The following ABCC8 variants were observed in gnomAD, a reference collection of about 807,000 sequenced individuals.
The protein encoded by ABCC8 is ATP-binding cassette sub-family C member 8.
Under a neutral mutation model 188.0 loss-of-function variants are expected in ABCC8, and 137 were observed. That is an observed-to-expected ratio of 0.73 (90% CI 0.63 to 0.84). The LOEUF is 0.84. Among genes scored for constraint, ABCC8 ranks in the 40% least tolerant of loss-of-function variants. ABCC8 has a pLI of 0.00. For synonymous variants in ABCC8, 797 were observed against 846.5 expected (o/e 0.94, Z 1.01); for missense variants, 1,750 against 2,072.7 (o/e 0.84, Z 3.02).
At chr11:17,476,475 G>A (rs138026479) in intron 1 of ABCC8, among the ~76,000 whole-genome samples, 154 bp downstream of exon 1, 2 of 152,316 alleles carry the variant, frequency 1.3e-5, no homozygotes, top group African/African-American at 4.8e-5. Flanking sequence ...CGAGTGCGGG[G>A]ACCGGCGGGC....
chr11:17,455,474 C>A (rs1048619260), intron 6 of ABCC8, among the ~76,000 whole-genome samples: 1 of 152,158 alleles, frequency 6.6e-6, no homozygotes, highest in South Asian at 2.1e-4. Context: ...TCTCTCCGCC[C>A]CCAACAAAAT....
intron 22 of ABCC8, among the ~76,000 whole-genome samples, chr11:17,409,349 C>T (rs1016197000): frequency 2.0e-5 from 3 of 152,132 alleles, no homozygotes; most frequent in Admixed American, 6.5e-5. Context: ...CACCCCCTCC[C>T]GCCCTATGCT....
At chr11:17,437,582 TAGTC>T (rs1479118154) in intron 10 of ABCC8, among the ~76,000 whole-genome samples, 1 of 152,194 alleles carries the variant, frequency 6.6e-6, no homozygotes, top group East Asian at 1.9e-4. Context: ...TTCAGTCCAA[TAGTC>T]AGTGCAGTCA....
Position 17,463,436 on chromosome 11 carries a change from A to T in ABCC8, c.579+2T>A, listed in dbSNP as rs1449198328. ...CCACCCTGGCCCAGGTGGCCTGCTT[A>T]CCCTCACCCTGATGACATTGACCTC... is the stretch of plus-strand genomic sequence containing the variant. On this transcript the variant is annotated splice_donor_variant, in intron 4 of 38. Coordinates refer to ENST00000389817, the MANE Select transcript of ABCC8 (RefSeq NM_000352.6). LOFTEE classifies it high-confidence loss of function. 1 of 1,601,914 alleles carries T rather than the reference A, an allele frequency of 6.2e-7. No homozygotes were observed. The highest frequency in any genetic ancestry group is 1.7e-5 in the Admixed American group (1 of 58,234).
Position 17,428,655 on chromosome 11 carries a change from G to A in ABCC8, c.1833C>T (p.Ser611=), listed in dbSNP as rs763273046. 14 of 1,613,416 alleles carry A rather than the reference G, an allele frequency of 8.7e-6. No homozygotes were observed. The highest frequency in any genetic ancestry group is 1.1e-5 in the South Asian group (1 of 91,090). The change falls in exon 13 of 39, where the codon AGC becomes AGT. Residue 611 remains serine (S), a synonymous_variant. Coordinates refer to ENST00000389817, the MANE Select transcript of ABCC8 (RefSeq NM_000352.6). ...GGATCTCTGCACTGGACAGGAACTC[G>A]CTTAGCTTTTGCACGCTGCTCGGGA... The part of the protein sequence containing the change: ...VKALVSVQKL[S]EFLSSAEIRE...
At chr11:17,444,816 T>C (rs911915811) in intron 8 of ABCC8, among the ~76,000 whole-genome samples, 12 of 152,220 alleles carry the variant, frequency 7.9e-5, no homozygotes, top group African/African-American at 2.9e-4. Flanking sequence ...GTGAGTTACT[T>C]AACCTCTCTG....
intron 10 of ABCC8, among the ~76,000 whole-genome samples, chr11:17,434,405 T>C (rs1373727536): frequency 6.6e-6 from 1 of 152,208 alleles, no homozygotes; most frequent in African/African-American, 2.4e-5. Context: ...CTATAATCCG[T>C]CTCCAGGAAA....
chr11:17,394,258 G>A lies in ABCC8; in HGVS notation c.4545+8C>T. On this transcript the variant is annotated splice_region_variant and intron_variant, in intron 37 of 38. Coordinates refer to ENST00000389817, the MANE Select transcript of ABCC8 (RefSeq NM_000352.6). The stretch of plus-strand genomic sequence containing the variant: ...GACCATGGTCCCATGGAGGGGCCCA[G>A]GACCAACCGTGGCCATGTCAATGGA... 1 of 1,613,668 alleles carries A rather than the reference G, an allele frequency of 6.2e-7. No individual in the cohort carries two copies. Among genetic ancestry groups the A allele is most frequent in the Non-Finnish European group, 8.5e-7 (1 of 1,179,902 alleles).
Position 17,397,429 on chromosome 11 carries a change from C to T in ABCC8, c.3868-116G>A, listed in dbSNP as rs1450467698. 18 of 1,553,740 alleles carry T rather than the reference C, an allele frequency of 1.2e-5. 1 individual carries two copies. Among genetic ancestry groups the T allele is most frequent in the Admixed American group, 1.9e-5 (1 of 53,704 alleles). ...CCAGGGCCCCAGATTCCTTTTGCTG[C>T]CATCCACTGCCTGCTCAGAGCAGCC... On this transcript the variant is annotated intron_variant, in intron 31 of 38. Transcript: ENST00000389817.
intron 29 of ABCC8, among the ~76,000 whole-genome samples, chr11:17,399,282 A>AC (rs1954108089): frequency 8.3e-5 from 7 of 84,052 alleles, no homozygotes; most frequent in African/African-American, 2.5e-4. Flanking sequence ...CCTCAAAAAA[A>AC]AAAAAAAAAA....
rs200351168 is a variant in ABCC8, at chr11:17,412,777, C to T, written c.2476-31G>A. On this transcript the variant is annotated intron_variant, in intron 20 of 38. Coordinates refer to ENST00000389817, the MANE Select transcript of ABCC8 (RefSeq NM_000352.6). ...ACCAAAGAGGAGGAACACATCATGC[C>T]CTCAGCCATTCAGGAGACACTGTCC... 4.4e-5 allele frequency: 70 copies of T among 1,590,576 alleles called. No individual in the cohort carries two copies. The African/African-American group carries it at 9.1e-4, about 21-fold the overall frequency.
intron 31 of ABCC8, 142 bp from the exon 32 acceptor site, chr11:17,397,455 C>T (rs1379922830): frequency 2.6e-6 from 4 of 1,512,548 alleles, no homozygotes; most frequent in Non-Finnish European, 3.6e-6. Context: ...CAGAGCAGCC[C>T]TCCCTGGAGG....
intron 6 of ABCC8, among the ~76,000 whole-genome samples, chr11:17,453,746 G>C (rs1956896202): frequency 6.6e-6 from 1 of 152,122 alleles, no homozygotes; most frequent in African/African-American, 2.4e-5. Context: ...GAGCAGAAAA[G>C]GCCAGTGGAA....
At chr11:17,412,898 G>A (rs1375460666) in intron 20 of ABCC8, 152 bp from the exon 21 acceptor site, 26 of 1,484,242 alleles carry the variant, frequency 1.8e-5, no homozygotes, top group African/African-American at 2.8e-5. Context: ...GAACTTGCAC[G>A]TGTTTACTGA....
chr11:17,453,320 C>T (rs1401513416), intron 6 of ABCC8, 37 bp from the exon 7 acceptor site: 2 of 1,612,048 alleles, frequency 1.2e-6, no homozygotes, highest in Non-Finnish European at 8.5e-7. Flanking sequence ...ACTGTCATTG[C>T]CAGCAAAATG....
At chr11:17,459,420 G>C (rs1224566461) in intron 6 of ABCC8, among the ~76,000 whole-genome samples, 1 of 152,150 alleles carries the variant, frequency 6.6e-6, no homozygotes, top group African/African-American at 2.4e-5. Context: ...GCATAAATCA[G>C]ACTCAACGTA....
At position 17,470,216 on chromosome 11, in the gene ABCC8, G is replaced by T. The variant is rs906180828; in HGVS notation, c.297C>A (p.Thr99=). The T allele has an allele frequency of 1.9e-6, 3 of 1,613,974 alleles. No homozygotes were observed. The highest frequency in any genetic ancestry group is 2.5e-6 in the Non-Finnish European group (3 of 1,180,036). ...IAEGILSDGV[T]ESHHLHLYMP... ...TGTACAGGTGCAGATGGTGGGATTC[G>T]GTCACCCTGAGATGGGAGAGAGAAA... Residue 99 remains threonine (T), a synonymous_variant, in exon 3 of 39, where the codon ACC becomes ACA. Transcript: ENST00000389817.
intron 23 of ABCC8, 69 bp from the exon 24 acceptor site, chr11:17,407,522 G>T: frequency 6.2e-7 from 1 of 1,607,852 alleles, no homozygotes; most frequent in Non-Finnish European, 8.5e-7. Flanking sequence ...GGAAGTTAAG[G>T]GGTAACTACT....
intron 10 of ABCC8, among the ~76,000 whole-genome samples, chr11:17,436,831 G>A (rs1956118029): frequency 6.6e-6 from 1 of 152,186 alleles, no homozygotes; most frequent in South Asian, 2.1e-4. Context: ...GCTCACGCCT[G>A]TAATCCCAGC....
Sources: gnomAD v4.1 joint callset for allele counts (sites outside exome capture counted in the v4.1 genomes callset) on GRCh38, gnomAD v4.1.1 for gene constraint, MANE v1.5 for transcripts, NCBI Gene and HGNC (gene_info 2026-07-23, HGNC 2026-07-21) for gene names.